The following TEKTIP1 variants were observed in gnomAD, a reference collection of about 807,000 sequenced individuals.
TEKTIP1 encodes the protein tektin bundle-interacting protein 1.
At chr19:3,543,823 C>G in the TEKTIP1 span, 6 of 1,522,672 alleles carry the variant, frequency 3.9e-6, no homozygotes, top group Non-Finnish European at 4.4e-6. Flanking sequence ...CGAGTCCCAC[C>G]TACAGTGCTC....
chr19:3,539,442 G>GGGGGCTAC, the TEKTIP1 span: 34 of 585,178 alleles, frequency 5.8e-5, no homozygotes, highest in Non-Finnish European at 1.0e-4. Context: ...CGCTCACTGT[G>GGGGGCTAC]GGGGCTACAG....
chr19:3,541,727 A>G, the TEKTIP1 span: 1 of 985,262 alleles, frequency 1.0e-6, no homozygotes, highest in Admixed American at 6.2e-5. Context: ...CTGGGAGGAA[A>G]CACCAGAAAG....
chr19:3,543,446 C>T, the TEKTIP1 span: 1 of 1,544,436 alleles, frequency 6.5e-7, no homozygotes, highest in Non-Finnish European at 8.7e-7. Context: ...CAGCTGCTAC[C>T]AACACCGTGA....
At chr19:3,542,656 T>C in the TEKTIP1 span, 1 of 1,126,732 alleles carries the variant, frequency 8.9e-7, no homozygotes, top group Non-Finnish European at 1.1e-6. Flanking sequence ...TTAATTTTCG[T>C]ATTTTTAGTA....
chr19:3,541,542 C>G, the TEKTIP1 span: 7 of 420,490 alleles, frequency 1.7e-5, no homozygotes, highest in Non-Finnish European at 2.2e-5. Flanking sequence ...AGGCTGGTCT[C>G]AAACTCCTGA....
At chr19:3,540,858 C>A in the TEKTIP1 span, among the ~76,000 whole-genome samples, 2 of 97,548 alleles carry the variant, frequency 2.1e-5, no homozygotes, top group Non-Finnish European at 4.1e-5. Flanking sequence ...CAGCCCAGAG[C>A]GAAACTCCAT....
At chr19:3,543,483 C>CCCG in the TEKTIP1 span, 2 of 1,500,492 alleles carry the variant, frequency 1.3e-6, no homozygotes, top group Admixed American at 2.0e-5. Context: ...GGTGAGTGCC[C>CCCG]CCCCCCCCGC....
chr19:3,540,407 G>A, the TEKTIP1 span, among the ~76,000 whole-genome samples: 2 of 151,634 alleles, frequency 1.3e-5, no homozygotes, highest in African/African-American at 2.4e-5. Context: ...ACAGGCATGC[G>A]CTACCATGCC....
chr19:3,543,368 T>A, the TEKTIP1 span: 1 of 1,548,934 alleles, frequency 6.5e-7, no homozygotes, highest in South Asian at 1.2e-5. Context: ...CTCGGACGCC[T>A]GGGAAGCCTG....
chr19:3,540,535 C>A, the TEKTIP1 span, among the ~76,000 whole-genome samples: 1 of 151,150 alleles, frequency 6.6e-6, no homozygotes, highest in Non-Finnish European at 1.5e-5. Context: ...GGATTACAGG[C>A]GTGAGGCACC....
At chr19:3,543,664 C>A in the TEKTIP1 span, 2 of 1,540,690 alleles carry the variant, frequency 1.3e-6, no homozygotes, top group East Asian at 2.4e-5. Context: ...ACAGGCCAAT[C>A]CGGGGCAAGG....
At chr19:3,543,361 G>T in the TEKTIP1 span, 1 of 1,549,376 alleles carries the variant, frequency 6.5e-7, no homozygotes, top group Non-Finnish European at 8.7e-7. Context: ...TGACCAACTC[G>T]GACGCCTGGG....
the TEKTIP1 span, chr19:3,543,100 A>G: frequency 6.5e-7 from 1 of 1,543,470 alleles, no homozygotes; most frequent in Non-Finnish European, 8.7e-7. Flanking sequence ...TGAAGGACAG[A>G]CTCCAAGTGG....
At chr19:3,542,998 T>C in the TEKTIP1 span, 1 of 1,594,224 alleles carries the variant, frequency 6.3e-7, no homozygotes, top group South Asian at 1.1e-5. Flanking sequence ...AAAGGTTTAG[T>C]GCTGACTTGG....
At chr19:3,543,694 C>G in the TEKTIP1 span, 1 of 1,520,364 alleles carries the variant, frequency 6.6e-7, no homozygotes, top group Non-Finnish European at 8.8e-7. Flanking sequence ...AGGCTAGGTG[C>G]AGGGTGGGTC....
the TEKTIP1 span, chr19:3,543,778 G>T: frequency 5.4e-6 from 8 of 1,491,776 alleles, no homozygotes; most frequent in Non-Finnish European, 7.2e-6. Context: ...GCCCCTTGCT[G>T]GCCAACGGCG....
At chr19:3,539,227 C>T in the TEKTIP1 span, 41 of 1,550,546 alleles carry the variant, frequency 2.6e-5, 1 homozygote, top group Middle Eastern at 1.7e-4. Context: ...CCCTCGGGGA[C>T]CCTCGAGGCC....
At chr19:3,542,127 A>G in the TEKTIP1 span, 1 of 985,294 alleles carries the variant, frequency 1.0e-6, no homozygotes, top group African/African-American at 1.7e-5. Context: ...TGCTGTTTTA[A>G]TTGTGTTTTA....
At chr19:3,539,552 C>T in the TEKTIP1 span, 3 of 452,214 alleles carry the variant, frequency 6.6e-6, no homozygotes, top group Middle Eastern at 5.8e-4. Context: ...CTCTGAAATC[C>T]AGGCCTGTGC....
Sources: gnomAD v4.1 joint callset for allele counts (sites outside exome capture counted in the v4.1 genomes callset) on GRCh38, gnomAD v4.1.1 for gene constraint, MANE v1.5 for transcripts, NCBI Gene and HGNC (gene_info 2026-07-23, HGNC 2026-07-21) for gene names.